TIAM1: variants seen among roughly 807,000 people sequenced by gnomAD.
TIAM1 encodes the protein TIAM Rac1 associated GEF 1.
TIAM1 carries 65 observed loss-of-function variants against 163.5 expected under a neutral mutation model. That is an observed-to-expected ratio of 0.40 (90% CI 0.33 to 0.49). The LOEUF (loss-of-function observed/expected upper bound fraction) is 0.49. Ranked by LOEUF, TIAM1 falls within the 20% of genes least tolerant of loss-of-function variation. The pLI is 0.77. For synonymous variants in TIAM1, 833 were observed against 810.1 expected (o/e 1.03, Z -0.48); for missense variants, 1,789 against 2,044.7 (o/e 0.87, Z 2.41).
intron 6 of TIAM1, among the ~76,000 whole-genome samples, chr21:31,234,878 A>C (rs886856392): frequency 6.6e-6 from 1 of 152,210 alleles, no homozygotes; most frequent in Non-Finnish European, 1.5e-5. Context: ...AAAGAGAAAA[A>C]AAGAAAATAA....
chr21:31,263,969 C>A (rs2072619918), intron 4 of TIAM1, among the ~76,000 whole-genome samples: 2 of 152,110 alleles, frequency 1.3e-5, no homozygotes, highest in Non-Finnish European at 2.9e-5. Flanking sequence ...GACAGAGGGG[C>A]TGCAGGTGGG....
intron 2 of TIAM1, among the ~76,000 whole-genome samples, chr21:31,460,373 T>C (rs1032936778): frequency 2.6e-5 from 4 of 152,206 alleles, no homozygotes; most frequent in Non-Finnish European, 5.9e-5. Context: ...ACACCTGTAA[T>C]CCCAGCACTT....
At chr21:31,299,577 C>G (rs887179396) in intron 2 of TIAM1, among the ~76,000 whole-genome samples, 3 of 152,212 alleles carry the variant, frequency 2.0e-5, no homozygotes, top group Non-Finnish European at 4.4e-5. Context: ...TCTTGAGCAA[C>G]TGTGAAAGAG....
intron 15 of TIAM1, among the ~76,000 whole-genome samples, chr21:31,168,421 G>A (rs1255033620): frequency 6.7e-6 from 1 of 150,270 alleles, no homozygotes; most frequent in Non-Finnish European, 1.5e-5. Context: ...TCTTTTTTGA[G>A]ATGGAGTCTC....
rs1286342474 is a variant in TIAM1 at position 31,124,163 on chromosome 21, G to A, written c.4306+359C>T. The A allele has an allele frequency of 1.5e-5, 3 of 196,066 alleles. No individual in the cohort carries two copies. In the East Asian group the frequency reaches 4.1e-4, roughly 27 times the overall value. The allele number at this position is 196,066 out of a possible 1,614,324, so 12.1% of individuals were successfully genotyped here. A position where few individuals can be genotyped will look rare whatever the true frequency, so the allele number is the denominator to read the frequency against. On this transcript the variant is annotated intron_variant, in intron 27 of 27. Transcript: ENST00000541036. ...CACGGCTTTCTGCTAGACAAAGCTG[G>A]CTGTCATGCAAAGCAGCGACTCTCA...
intron 9 of TIAM1, among the ~76,000 whole-genome samples, chr21:31,213,820 A>C (rs1489279045): frequency 6.8e-6 from 1 of 146,510 alleles, no homozygotes; most frequent in Non-Finnish European, 1.5e-5. Context: ...GCTTGAGCCT[A>C]GGAGTTTGAG....
In TIAM1 at chr21:31,181,756, C is replaced by CTTTTTTTTTTTTTTTTTTTT. The variant is rs781153297; in HGVS notation, c.2887+645_2887+664dup. On this transcript the variant is annotated intron_variant, in intron 15 of 27. Coordinates refer to ENST00000541036, the MANE Select transcript of TIAM1 (RefSeq NM_001353694.2). ...CCCAGCACTTCTTCTTCTTCTTCTTCTTTTTTTTTTTTTTTTTTTTTTTTT... is the reference window on the plus strand; with the variant it reads ...CCCAGCACTTCTTCTTCTTCTTCTTCTTTTTTTTTTTTTTTTTTTTTTTTTTTTTTTTTTTTTTTTTTTTT... Among the ~76,000 whole-genome samples the CTTTTTTTTTTTTTTTTTTTT allele has an allele frequency of 7.3e-5, 3 of 41,332 alleles. 1 individual carries two copies. Among genetic ancestry groups the CTTTTTTTTTTTTTTTTTTTT allele is most frequent in the Non-Finnish European group, 5.3e-5 (1 of 18,806 alleles). 27.1% of individuals were successfully genotyped at this position (41,332 alleles called of 152,430 possible).
chr21:31,135,185 T>C (rs2082570648), intron 23 of TIAM1, among the ~76,000 whole-genome samples: 1 of 152,230 alleles, frequency 6.6e-6, no homozygotes, highest in African/African-American at 2.4e-5. Flanking sequence ...GATAGTTTTA[T>C]ATTCATGAAC....
chr21:31,503,497 AAG>A (rs1353180316), intron 1 of TIAM1, among the ~76,000 whole-genome samples: 2 of 119,252 alleles, frequency 1.7e-5, no homozygotes, highest in African/African-American at 3.2e-5. Context: ...GAAAGAGAGA[AAG>A]AGAAAGAGAA....
At chr21:31,295,453 G>C (rs1157876544) in intron 2 of TIAM1, among the ~76,000 whole-genome samples, 1 of 130,790 alleles carries the variant, frequency 7.6e-6, no homozygotes, top group Non-Finnish European at 1.6e-5. Flanking sequence ...CTGGGTGACA[G>C]AGTGAGACTC....
intron 2 of TIAM1, among the ~76,000 whole-genome samples, chr21:31,461,035 A>G (rs2045306063): frequency 6.6e-6 from 1 of 152,222 alleles, no homozygotes; most frequent in South Asian, 2.1e-4. Context: ...ATACAAGTCT[A>G]CGTATTTTGA....
intron 2 of TIAM1, among the ~76,000 whole-genome samples, chr21:31,405,885 A>G (rs1338631364): frequency 6.6e-6 from 1 of 152,156 alleles, no homozygotes; most frequent in Non-Finnish European, 1.5e-5. Context: ...AGTGATATTA[A>G]GAAAAGCAAA....
Position 31,141,263 on chromosome 21 carries a change from G to C in TIAM1, c.3656-27C>G. 6.2e-7 allele frequency: 1 copy of C among 1,613,966 alleles called. No individual in the cohort carries two copies. Among genetic ancestry groups the C allele is most frequent in the Non-Finnish European group, 8.5e-7 (1 of 1,179,912 alleles). ...TGGAAGAAAACAGGTTGTGAAATGA[G>C]AGGCTATTTAGAGACCCTCATGGAG... is the stretch of plus-strand genomic sequence containing the variant. On this transcript the variant is annotated intron_variant, in intron 21 of 27. Coordinates refer to ENST00000541036, the MANE Select transcript of TIAM1 (RefSeq NM_001353694.2). This position sits in a 1 kb window ranked among gnomAD's most constrained non-coding sequence, Gnocchi z 4.7.
intron 2 of TIAM1, among the ~76,000 whole-genome samples, chr21:31,336,488 C>CTTTTTTTTTT (rs34052300): frequency 8.0e-6 from 1 of 125,472 alleles, no homozygotes; most frequent in African/African-American, 2.9e-5. Flanking sequence ...TTGCCCCTTG[C>CTTTTTTTTTT]TTTTTTTTTT....
At chr21:31,237,224 C>T (rs1457960737) in intron 6 of TIAM1, among the ~76,000 whole-genome samples, 2 of 152,180 alleles carry the variant, frequency 1.3e-5, no homozygotes, top group African/African-American at 2.4e-5. Context: ...GATGCCAAAT[C>T]CCCATTAAAG....
intron 2 of TIAM1, among the ~76,000 whole-genome samples, chr21:31,450,945 C>T (rs1042315524): frequency 1.3e-5 from 2 of 151,882 alleles, no homozygotes; most frequent in Non-Finnish European, 2.9e-5. Flanking sequence ...TGGGTGGGGA[C>T]ACAGCCAAAC....
At chr21:31,556,935 T>G (rs1310860862) in intron 1 of TIAM1, among the ~76,000 whole-genome samples, 1 of 152,238 alleles carries the variant, frequency 6.6e-6, no homozygotes, top group Non-Finnish European at 1.5e-5. Flanking sequence ...CTACAAGGCA[T>G]AGCTTAAATT....
At chr21:31,329,210 T>C (rs919956849) in intron 2 of TIAM1, among the ~76,000 whole-genome samples, 4 of 152,194 alleles carry the variant, frequency 2.6e-5, no homozygotes, top group Non-Finnish European at 4.4e-5. Flanking sequence ...ATCCAGAATG[T>C]CAGTTCCCTG....
At chr21:31,325,527 G>A (rs563720020) in intron 2 of TIAM1, among the ~76,000 whole-genome samples, 9 of 152,024 alleles carry the variant, frequency 5.9e-5, no homozygotes, top group African/African-American at 2.2e-4. Flanking sequence ...AATTAGCCAG[G>A]TGTAGTGGCG....
Sources: allele counts gnomAD v4.1 joint callset (sites outside exome capture counted in the v4.1 genomes callset), GRCh38; gene constraint gnomAD v4.1.1; non-coding constraint Gnocchi (gnomAD v3.1); transcripts MANE v1.5; gene names NCBI Gene and HGNC (gene_info 2026-07-23, HGNC 2026-07-21).